Variants in SUSD4 observed in about 807,000 individuals in gnomAD.
SUSD4 encodes sushi domain-containing protein 4.
In SUSD4, 41 loss-of-function variants were observed where a neutral mutation model predicts 50.5. The observed-to-expected ratio is 0.81, with a 90% CI of 0.63 to 1.05. SUSD4 has a LOEUF of 1.05. Ranked by LOEUF, SUSD4 falls within the 50% of genes least tolerant of loss-of-function variation. The pLI is 0.00. For synonymous variants in SUSD4, 257 were observed against 257.3 expected, an observed-to-expected ratio of 1.00 and a Z score of 0.01; for missense variants, 580 against 634.7, an observed-to-expected ratio of 0.91 and a Z score of 0.93.
chr1:223,360,639 T>C (rs2102603039), intron 2 of SUSD4, among the ~76,000 whole-genome samples: 1 of 152,338 alleles, frequency 6.6e-6, no homozygotes, highest in Non-Finnish European at 1.5e-5. Context: ...TTTCTGCCTT[T>C]CTAGTTCAGG....
chr1:223,275,011 T>C (rs538494826), intron 3 of SUSD4, among the ~76,000 whole-genome samples: 1 of 152,344 alleles, frequency 6.6e-6, no homozygotes, highest in African/African-American at 2.4e-5. Flanking sequence ...GCTATATGTA[T>C]TTTATTTCAT....
At chr1:223,342,788 G>A (rs1450489258) in intron 2 of SUSD4, among the ~76,000 whole-genome samples, 1 of 152,128 alleles carries the variant, frequency 6.6e-6, no homozygotes, top group South Asian at 2.1e-4. Flanking sequence ...GAAAAATACA[G>A]GTGACTATGT....
chr1:223,346,274 G>A (rs932893493), intron 2 of SUSD4, among the ~76,000 whole-genome samples: 9 of 151,934 alleles, frequency 5.9e-5, no homozygotes, highest in East Asian at 5.8e-4. Context: ...ATGCTCCTCC[G>A]TTCAGAAACT....
intron 2 of SUSD4, among the ~76,000 whole-genome samples, chr1:223,344,268 G>A (rs913741115): frequency 6.6e-6 from 1 of 152,130 alleles, no homozygotes; most frequent in African/African-American, 2.4e-5. Context: ...TGGCATACAT[G>A]GTGTACAAGA....
chr1:223,223,948 T>C (rs1282060499), intron 7 of SUSD4, among the ~76,000 whole-genome samples: 1 of 152,236 alleles, frequency 6.6e-6, no homozygotes, highest in Non-Finnish European at 1.5e-5. Flanking sequence ...CTTCTGGCCA[T>C]AAGCTCATGG....
At chr1:223,346,907 G>T (rs1227965398) in intron 2 of SUSD4, among the ~76,000 whole-genome samples, 1 of 152,088 alleles carries the variant, frequency 6.6e-6, no homozygotes, top group Non-Finnish European at 1.5e-5. Flanking sequence ...TCTTATGCTT[G>T]CCCCAGCAAG....
intron 2 of SUSD4, among the ~76,000 whole-genome samples, chr1:223,322,285 A>C (rs1666617817): frequency 6.6e-6 from 1 of 152,220 alleles, no homozygotes; most frequent in African/African-American, 2.4e-5. Context: ...AACTTTGGTT[A>C]GAGATTAGTA....
chr1:223,312,134 C>T (rs1665913841), intron 2 of SUSD4, among the ~76,000 whole-genome samples: 1 of 152,192 alleles, frequency 6.6e-6, no homozygotes, highest in Non-Finnish European at 1.5e-5. Flanking sequence ...TCTGAAAAAA[C>T]ATATGATTCT....
chr1:223,247,082 A>G (rs1660985876), intron 5 of SUSD4, among the ~76,000 whole-genome samples: 1 of 152,160 alleles, frequency 6.6e-6, no homozygotes, highest in African/African-American at 2.4e-5. Flanking sequence ...TACTAGTTCC[A>G]AAGGTCCATA....
At chr1:223,342,830 G>A (rs1667831561) in intron 2 of SUSD4, among the ~76,000 whole-genome samples, 2 of 152,188 alleles carry the variant, frequency 1.3e-5, no homozygotes, top group Admixed American at 1.3e-4. Context: ...AACTTTCTAA[G>A]CCTAATACCA....
intron 5 of SUSD4, among the ~76,000 whole-genome samples, chr1:223,246,580 T>A (rs1485558903): frequency 6.6e-6 from 1 of 150,632 alleles, no homozygotes; most frequent in African/African-American, 2.5e-5. Flanking sequence ...AGGAGAAAGA[T>A]GTGATCTTCC....
Position 223,229,239 on chromosome 1 carries a change from C to T in SUSD4, c.874G>A (p.Gly292Arg). ...SDYKYITCQY[G>R]EWFPSYQVYC... ...ACTTGATAAGAAGGAAACCACTCTC[C>T]ATACTGGCAGGTGATGTACTTGTAG... The change falls in exon 6 of 9, where the codon GGA (glycine) becomes AGA (arginine). Residue 292 changes from glycine (G) to arginine (R), a missense_variant. Gly to Arg is a moderately radical substitution (Grantham distance 125, BLOSUM62 -2). Transcript: ENST00000366878. The surrounding 1 kb of genome is among the most constrained non-coding windows in gnomAD (Gnocchi z 4.7). 1.2e-6 allele frequency: 2 copies of T among 1,611,892 alleles called. No homozygotes were observed. Among genetic ancestry groups the T allele is most frequent in the Non-Finnish European group, 8.5e-7 (1 of 1,178,094 alleles).
intron 2 of SUSD4, among the ~76,000 whole-genome samples, chr1:223,344,730 T>A (rs900443823): frequency 6.6e-6 from 1 of 152,146 alleles, no homozygotes; most frequent in East Asian, 1.9e-4. Context: ...GGATGGACAT[T>A]TCCCACTGGG....
At chr1:223,283,071 A>T (rs1663865441) in intron 3 of SUSD4, among the ~76,000 whole-genome samples, 1 of 152,234 alleles carries the variant, frequency 6.6e-6, no homozygotes, top group Non-Finnish European at 1.5e-5. Context: ...CCTTATATGA[A>T]AATTAAATTC....
intron 5 of SUSD4, among the ~76,000 whole-genome samples, chr1:223,260,859 T>G (rs1662069776): frequency 6.6e-6 from 1 of 152,160 alleles, no homozygotes; most frequent in Non-Finnish European, 1.5e-5. Flanking sequence ...TTCCAAATTA[T>G]CAACTCCTTC....
chr1:223,253,277 G>A (rs546432304), intron 5 of SUSD4, among the ~76,000 whole-genome samples: 3 of 151,740 alleles, frequency 2.0e-5, no homozygotes, highest in South Asian at 2.1e-4. Flanking sequence ...GGCACAGTTC[G>A]GAGTCAGGCA....
rs1662358451 is a variant in SUSD4, at chr1:223,264,665, C to A, written c.689G>T (p.Trp230Leu). ...AYLECLQNLI[W>L]SSSPPRCLAL... is the part of the protein sequence containing the mutation. ...AAGGCACCGGGGTGGGCTGGACGACCAGATAAGGTTTTGTAAGCACTCAAG... is the reference window on the plus strand; with the variant it reads ...AAGGCACCGGGGTGGGCTGGACGACAAGATAAGGTTTTGTAAGCACTCAAG... Residue 230 changes from tryptophan to leucine, a missense_variant, in exon 5 of 9, where the codon TGG (tryptophan) becomes TTG (leucine). Coordinates refer to ENST00000366878, the MANE Select transcript of SUSD4 (RefSeq NM_017982.4). 6.2e-7 allele frequency: 1 copy of A among 1,614,102 alleles called. No homozygotes were observed. The highest frequency in any genetic ancestry group is 8.5e-7 in the Non-Finnish European group (1 of 1,180,018).
Position 223,238,405 on chromosome 1 carries a change from C to T in SUSD4, c.725-9017G>A, listed in dbSNP as rs1192988257. ...CTTACTTTGTATCTAATTTGCTCTT[C>T]TTTTACTAGTTTCCTAAGGTGAAAA... is the stretch of plus-strand genomic sequence containing the variant. On this transcript the variant is annotated intron_variant, in intron 5 of 8. Transcript: ENST00000366878. 2.0e-5 allele frequency among the ~76,000 whole-genome samples: 3 copies of T among 151,982 alleles called. No homozygotes were observed. The South Asian group carries it at 6.2e-4, about 32-fold the overall frequency.
intron 7 of SUSD4, among the ~76,000 whole-genome samples, chr1:223,225,420 G>T (rs1174478767): frequency 4.8e-4 from 73 of 152,198 alleles, no homozygotes; most frequent in African/African-American, 1.3e-3. Flanking sequence ...TATGGTGGTG[G>T]ACTCCTTGTC....
Sources: allele counts gnomAD v4.1 joint callset (sites outside exome capture counted in the v4.1 genomes callset), GRCh38; gene constraint gnomAD v4.1.1; non-coding constraint Gnocchi (gnomAD v3.1); transcripts MANE v1.5; gene names NCBI Gene and HGNC (gene_info 2026-07-23, HGNC 2026-07-21).